The following C6orf132 variants were observed in gnomAD, a reference collection of about 807,000 sequenced individuals.
C6orf132 encodes uncharacterized protein C6orf132.
Under a neutral mutation model 65.3 loss-of-function variants are expected in C6orf132, and 43 were observed. The ratio of observed to expected loss-of-function variants is 0.66; its 90% CI spans 0.52 to 0.85. The LOEUF (loss-of-function observed/expected upper bound fraction) is 0.85. C6orf132 is among the 40% of genes least tolerant of loss of function. C6orf132 has a pLI of 0.00. For synonymous variants in C6orf132, 631 were observed against 654.1 expected (o/e 0.96, Z 0.54); for missense variants, 1,488 against 1,548.8 (o/e 0.96, Z 0.66).
rs1001941147 is a variant in C6orf132 at position 42,103,611 on chromosome 6, C to G, written c.*150G>C. On this transcript the variant is annotated 3_prime_UTR_variant, in exon 5 of 5. Coordinates refer to ENST00000341865, the MANE Select transcript of C6orf132 (RefSeq NM_001164446.3). ...TCTCGGTCTTCCTGGGCCACTGCTT[C>G]TCATCGTTGGTCTTTGGGGATCAAA... 2.5e-6 allele frequency: 1 copy of G among 405,882 alleles called. No individual in the cohort carries two copies. The highest frequency in any genetic ancestry group is 4.3e-6 in the Non-Finnish European group (1 of 234,964). 25.1% of individuals were successfully genotyped at this position (405,882 alleles called of 1,614,324 possible).
chr6:42,132,225 A>T (rs1766864266), intron 1 of C6orf132, among the ~76,000 whole-genome samples: 1 of 152,250 alleles, frequency 6.6e-6, no homozygotes, highest in South Asian at 2.1e-4. Context: ...TTATCAAAAT[A>T]AAAAAAGGGG....
intron 2 of C6orf132, among the ~76,000 whole-genome samples, chr6:42,121,036 CAT>C (rs776931266): frequency 5.3e-5 from 8 of 152,180 alleles, no homozygotes; most frequent in Non-Finnish European, 1.2e-4. Context: ...TAGTAGCTGA[CAT>C]ATAGATGGTG....
Position 42,105,044 on chromosome 6 carries a change from CT to C in C6orf132, c.2867del (p.Gln956ArgfsTer65). The C allele has an allele frequency of 6.5e-7, 1 of 1,536,570 alleles. No individual in the cohort carries two copies. The highest frequency in any genetic ancestry group is 2.4e-5 in the East Asian group (1 of 40,898). ...WERVAPSNLP[Q>X]GHPLPKSFSS... ...AGAAGGACTTGGGCAGCGGGTGGCCCTGGGGGAGGTTGGAGGGAGCTACTCT... is the reference window on the plus strand; with the variant it reads ...AGAAGGACTTGGGCAGCGGGTGGCCCGGGGGAGGTTGGAGGGAGCTACTCT... On this transcript the variant is annotated frameshift_variant, in exon 4 of 5. Coordinates refer to ENST00000341865, the MANE Select transcript of C6orf132 (RefSeq NM_001164446.3). LOFTEE classifies it high-confidence loss of function.
chr6:42,105,679 T>G lies in C6orf132; in HGVS notation c.2233A>C (p.Thr745Pro). The change falls in exon 4 of 5, where the codon ACA becomes CCA. Residue 745 changes from threonine (T) to proline (P), a missense_variant. Physicochemically the swap from Thr to Pro is conservative, Grantham distance 38. Coordinates refer to ENST00000341865, the MANE Select transcript of C6orf132 (RefSeq NM_001164446.3). ...GSPSEATRLP[T>P]QGARSSAAFP... Reference sequence around the variant, plus strand: ...GCTGCAGATGAGCGGGCTCCCTGTGTGGGCAGCCTAGTGGCCTCTGAGGGG... The same window carrying G: ...GCTGCAGATGAGCGGGCTCCCTGTGGGGGCAGCCTAGTGGCCTCTGAGGGG... 1 of 1,537,276 alleles carries G rather than the reference T, an allele frequency of 6.5e-7. No homozygotes were observed. The highest frequency in any genetic ancestry group is 8.7e-7 in the Non-Finnish European group (1 of 1,146,908).
Position 42,104,129 on chromosome 6 carries a change from T to C in C6orf132, c.3450-251A>G, listed in dbSNP as rs1766343624. On this transcript the variant is annotated intron_variant, in intron 4 of 4. Coordinates refer to ENST00000341865, the MANE Select transcript of C6orf132 (RefSeq NM_001164446.3). This position sits in a 1 kb window ranked among gnomAD's most constrained non-coding sequence, Gnocchi z 4.1. ...TCAGAACTCTTTCACTCCTGGCCTG[T>C]GTCGGGATCCAACTCTGTGTTGGGA... 6.6e-6 allele frequency among the ~76,000 whole-genome samples: 1 copy of C among 152,194 alleles called. No individual in the cohort carries two copies. Among genetic ancestry groups the C allele is most frequent in the African/African-American group, 2.4e-5 (1 of 41,450 alleles).
At chr6:42,111,200 T>C (rs1200960941) in intron 2 of C6orf132, among the ~76,000 whole-genome samples, 1 of 151,946 alleles carries the variant, frequency 6.6e-6, no homozygotes, top group Non-Finnish European at 1.5e-5. Flanking sequence ...CATGGCTCAC[T>C]GCAGCCTCCA....
At chr6:42,112,550 G>A (rs1766511299) in intron 2 of C6orf132, among the ~76,000 whole-genome samples, 1 of 152,176 alleles carries the variant, frequency 6.6e-6, no homozygotes, top group Non-Finnish European at 1.5e-5. Context: ...AAGCTGTGAG[G>A]ACTAAATGAT....
intron 1 of C6orf132, among the ~76,000 whole-genome samples, chr6:42,141,578 C>T (rs571181754): frequency 6.6e-5 from 10 of 152,334 alleles, no homozygotes; most frequent in African/African-American, 2.2e-4. Context: ...CCAGGGTCAG[C>T]GGCAGCTGGC....
intron 4 of C6orf132, 51 bp from the exon 5 acceptor site, chr6:42,103,929 C>A: frequency 8.2e-7 from 1 of 1,218,322 alleles, no homozygotes. Flanking sequence ...GGTTAGCCAA[C>A]ACGTCTCTCA....
Position 42,104,389 on chromosome 6 carries a change from GGCCGGGAC to G in C6orf132, c.3449+66_3449+73del. 1 of 1,226,718 alleles carries G rather than the reference GGCCGGGAC, an allele frequency of 8.2e-7. No individual in the cohort carries two copies. The highest frequency in any genetic ancestry group is 1.0e-6 in the Non-Finnish European group (1 of 985,084). 76.0% of individuals were successfully genotyped at this position (1,226,718 alleles called of 1,614,324 possible). A position where few individuals can be genotyped will look rare whatever the true frequency, so the allele number is the denominator to read the frequency against. On this transcript the variant is annotated intron_variant, in intron 4 of 4. Coordinates refer to ENST00000341865, the MANE Select transcript of C6orf132 (RefSeq NM_001164446.3). The surrounding 1 kb of genome is among the most constrained non-coding windows in gnomAD (Gnocchi z 4.1). ...AACCAAATGTTTTCTCTTGACGGAT[GGCCGGGAC>G]TCCTTGGCCCTCGCCTGGCTTTCCA...
intron 2 of C6orf132, among the ~76,000 whole-genome samples, chr6:42,127,572 C>T (rs887632833): frequency 6.6e-6 from 1 of 152,214 alleles, no homozygotes; most frequent in African/African-American, 2.4e-5. Context: ...TGAAGTCTAA[C>T]AGGCCCCTGA....
At chr6:42,125,313 C>G (rs1257294264) in intron 2 of C6orf132, among the ~76,000 whole-genome samples, 1 of 152,202 alleles carries the variant, frequency 6.6e-6, no homozygotes, top group Non-Finnish European at 1.5e-5. Context: ...GTTACGCCAC[C>G]CTGTGCCTCA....
intron 1 of C6orf132, among the ~76,000 whole-genome samples, chr6:42,132,856 C>CAAAAAA (rs529784118): frequency 3.3e-5 from 3 of 91,820 alleles, no homozygotes; most frequent in African/African-American, 5.1e-5. Context: ...GACTCTGTCT[C>CAAAAAA]AAAAAAAAAA....
At chr6:42,139,235 A>G (rs1766997391) in intron 1 of C6orf132, among the ~76,000 whole-genome samples, 1 of 152,188 alleles carries the variant, frequency 6.6e-6, no homozygotes, top group African/African-American at 2.4e-5. Context: ...TCACAGACTC[A>G]GGGGCCCTAT....
chr6:42,132,111 C>A (rs761384988), intron 1 of C6orf132, among the ~76,000 whole-genome samples: 5 of 152,220 alleles, frequency 3.3e-5, no homozygotes, highest in Non-Finnish European at 7.3e-5. Context: ...GAAACAGACT[C>A]TCCTGGAGCC....
chr6:42,106,164 T>G lies in C6orf132; in HGVS notation c.1748A>C (p.Lys583Thr), dbSNP rs866238528. The G allele has an allele frequency of 6.5e-7, 1 of 1,537,254 alleles. No individual in the cohort carries two copies. ...AGGGGGCAGAGATCCTATGCTGGGC[T>G]TAGCCTCCTTCTCTGCTGCTGAGGA... ...RLSSAAEKEA[K>T]PSIGSLPPKP... The change falls in exon 4 of 5, where the codon AAG (lysine) becomes ACG (threonine). Residue 583 changes from lysine to threonine, a missense_variant. Lys to Thr is a moderately conservative substitution (Grantham distance 78). Transcript: ENST00000341865.
chr6:42,125,465 C>T (rs750709029), intron 2 of C6orf132, among the ~76,000 whole-genome samples: 15 of 152,186 alleles, frequency 9.9e-5, no homozygotes, highest in Admixed American at 3.3e-4. Context: ...GGCCGTGCCA[C>T]TGGATGGGGT....
Position 42,142,084 on chromosome 6 carries a change from T to TG in C6orf132, c.145+215dup, listed in dbSNP as rs1363758547. ...AAGTTCTCCCACCTCCCCGTGGTGG[T>TG]GGGGGGGGTCCCCTCGTTCCCCACA... On this transcript the variant is annotated intron_variant, in intron 1 of 4. Coordinates refer to ENST00000341865, the MANE Select transcript of C6orf132 (RefSeq NM_001164446.3). Among the ~76,000 whole-genome samples the TG allele has an allele frequency of 2.6e-3, 388 of 151,612 alleles. 3 individuals are homozygous for TG. Among genetic ancestry groups the TG allele is most frequent in the East Asian group, 7.8e-3 (40 of 5,116 alleles).
chr6:42,119,735 C>T (rs940465341), intron 2 of C6orf132, among the ~76,000 whole-genome samples: 7 of 151,918 alleles, frequency 4.6e-5, no homozygotes, highest in African/African-American at 1.7e-4. Context: ...AGTGATCCTC[C>T]TCTGCTTCCC....
Sources: allele counts gnomAD v4.1 joint callset (sites outside exome capture counted in the v4.1 genomes callset), GRCh38; gene constraint gnomAD v4.1.1; non-coding constraint Gnocchi (gnomAD v3.1); transcripts MANE v1.5; gene names NCBI Gene and HGNC (gene_info 2026-07-23, HGNC 2026-07-21).